KRT73: variants seen among roughly 807,000 people sequenced by gnomAD.
KRT73 encodes the protein keratin 73.
KRT73 carries 44 observed loss-of-function variants against 47.2 expected under a neutral mutation model. The ratio of observed to expected loss-of-function variants is 0.93; its 90% CI spans 0.73 to 1.20. The LOEUF is 1.20. KRT73 is among the 50% of genes most tolerant of loss of function. The pLI is 0.00. For synonymous variants in KRT73, 285 were observed against 291.3 expected (o/e 0.98, Z 0.22); for missense variants, 713 against 704.5 (o/e 1.01, Z -0.14).
chr12:52,608,440 C>T lies in KRT73; in HGVS notation c.1379G>A (p.Ser460Asn), dbSNP rs1179423147. The T allele has an allele frequency of 6.2e-7, 1 of 1,609,700 alleles. No individual in the cohort carries two copies. Among genetic ancestry groups the T allele is most frequent in the South Asian group, 1.1e-5 (1 of 90,568 alleles). Residue 460 changes from serine to asparagine, a missense_variant, in exon 9 of 9, where the codon AGC becomes AAC. Physicochemically the swap from Ser to Asn is conservative, Grantham distance 46. Coordinates refer to ENST00000305748, the MANE Select transcript of KRT73 (RefSeq NM_175068.3). ...TGTGCCTGCCATCCCGGCCATGGAG[C>T]TGTTGATGACCGCTGCAGAGGAGGG... ...TNSVSISVINSSMAGMAGTGA... is the reference protein window; with the variant it reads ...TNSVSISVINNSMAGMAGTGA...
At position 52,616,511 on chromosome 12, in the gene KRT73, C is replaced by A. The variant is rs1940817543; in HGVS notation, c.448-131G>T. ...AGCCTCAGCCCTTAAAAACTGCCAC[C>A]CATGCCACTCACACCCCCACTCCTT... On this transcript the variant is annotated intron_variant, in intron 1 of 8. Transcript: ENST00000305748. 5 of 1,094,142 alleles carry A rather than the reference C, an allele frequency of 4.6e-6. No individual in the cohort carries two copies. The Admixed American group carries it at 1.2e-4, about 27-fold the overall frequency. The allele number at this position is 1,094,142 out of a possible 1,614,324, so 67.8% of individuals were successfully genotyped here. A position where few individuals can be genotyped will look rare whatever the true frequency, so the allele number is the denominator to read the frequency against.
chr12:52,620,162 G>A (rs1022190627), upstream of KRT73, among the ~76,000 whole-genome samples: 2 of 133,850 alleles, frequency 1.5e-5, no homozygotes, highest in Non-Finnish European at 3.1e-5. Context: ...TGCCCAGGCT[G>A]GAGTGCAATA....
chr12:52,615,249 G>A (rs762490738), intron 3 of KRT73, 30 bp downstream of exon 3: 4 of 1,596,032 alleles, frequency 2.5e-6, no homozygotes, highest in Non-Finnish European at 3.4e-6. Flanking sequence ...ACTGCTGGGG[G>A]ACTGAAGGGA....
chr12:52,615,392 A>G (rs1442564918), intron 2 of KRT73, 53 bp from the exon 3 acceptor site: 6 of 1,403,194 alleles, frequency 4.3e-6, no homozygotes, highest in Non-Finnish European at 5.0e-6. Flanking sequence ...GTGTGTGTAT[A>G]CGTTCTCATA....
the KRT73 span, among the ~76,000 whole-genome samples, chr12:52,630,345 GC>G: frequency 1.3e-5 from 2 of 152,186 alleles, no homozygotes; most frequent in Non-Finnish European, 2.9e-5. Context: ...GCCCTCCAGG[GC>G]CACCTTGATG....
intron 5 of KRT73, among the ~76,000 whole-genome samples, chr12:52,613,139 CA>C (rs34456288): frequency 0.065 from 9,877 of 152,226 alleles, 469 homozygotes; most frequent in African/African-American, 0.13. Flanking sequence ...CAGCAAGGAA[CA>C]ATCAGGAAGT....
At chr12:52,617,628 C>A (rs896620561) in intron 1 of KRT73, among the ~76,000 whole-genome samples, 2 of 152,192 alleles carry the variant, frequency 1.3e-5, no homozygotes, top group Non-Finnish European at 2.9e-5. Flanking sequence ...AAGGGCATCT[C>A]CTTCGCCTAG....
At chr12:52,625,287 A>G in the KRT73 span, among the ~76,000 whole-genome samples, 8,162 of 152,270 alleles carry the variant, frequency 0.054, 736 homozygotes, top group African/African-American at 0.19. Context: ...ATGAACTCTC[A>G]GAACTCAACA....
upstream of KRT73, among the ~76,000 whole-genome samples, chr12:52,620,349 C>A (rs1010544226): frequency 3.3e-5 from 5 of 152,080 alleles, no homozygotes; most frequent in Non-Finnish European, 1.5e-5. Context: ...GGTGATCTGC[C>A]CGCCTCAGTC....
At position 52,610,795 on chromosome 12, in the gene KRT73, C is replaced by T. The variant is rs750289966; in HGVS notation, c.1151G>A (p.Arg384Gln). The change falls in exon 7 of 9, where the codon CGG becomes CAG. Residue 384 changes from arginine to glutamine, a missense_variant. Physicochemically the swap from Arg to Gln is conservative, Grantham distance 43 (BLOSUM62 1). Coordinates refer to ENST00000305748, the MANE Select transcript of KRT73 (RefSeq NM_175068.3). ...GGCATCCTTGAGGGCACAGTCCCCC[C>T]GCTGCTCGGCGTCAGCGATGGCCGT... is the stretch of plus-strand genomic sequence containing the variant. ...LETAIADAEQ[R>Q]GDCALKDARA... 6.4e-5 allele frequency: 104 copies of T among 1,613,244 alleles called. No individual in the cohort carries two copies. Among genetic ancestry groups the T allele is most frequent in the Non-Finnish European group, 8.1e-5 (96 of 1,179,998 alleles).
At position 52,616,173 on chromosome 12, in the gene KRT73, TGTA is replaced by T; in HGVS notation, c.652_654del (p.Tyr218del). The T allele has an allele frequency of 6.2e-7, 1 of 1,614,034 alleles. No individual in the cohort carries two copies. ...GAGTGGCGTCCTGCTCACCTCTTCT[TGTA>T]GTCCTCCACCACTTCGCGCACGCTC... On this transcript the variant is annotated inframe_deletion, in exon 2 of 9. Transcript: ENST00000305748.
At chr12:52,611,920 G>A (rs654910) in intron 5 of KRT73, among the ~76,000 whole-genome samples, 119,918 of 152,118 alleles carry the variant, frequency 0.79, 48,192 homozygotes, top group African/African-American at 0.95. Flanking sequence ...ATTCTATTCC[G>A]TTGCCACTGG....
At chr12:52,610,878 G>C (rs1042712236) in intron 6 of KRT73, 43 bp from the exon 7 acceptor site, 16 of 1,516,644 alleles carry the variant, frequency 1.1e-5, no homozygotes, top group Non-Finnish European at 1.4e-5. Flanking sequence ...TCCTCCCTGG[G>C]CCTCGCTTCA....
chr12:52,629,949 G>A, the KRT73 span, among the ~76,000 whole-genome samples: 3,415 of 152,184 alleles, frequency 0.022, 241 homozygotes, highest in Admixed American at 0.15. Context: ...CCCTCAACCT[G>A]TATGCCTTCC....
rs757909523 is a variant in KRT73, at chr12:52,614,787, C to A, written c.724-113G>T. On this transcript the variant is annotated intron_variant, in intron 3 of 8. Transcript: ENST00000305748. ...TAGCTAGCTGCCCAGGACTTCAGAT[C>A]CAAGGGGCAGGAACCGGCCTTCCAG... 4.9e-4 allele frequency: 391 copies of A among 804,554 alleles called. 1 individual carries two copies. The highest frequency in any genetic ancestry group is 7.0e-4 in the Non-Finnish European group (359 of 513,578). The allele number at this position is 804,554 out of a possible 1,614,324, so 49.8% of individuals were successfully genotyped here.
In KRT73 at chr12:52,610,680, G is replaced by A. The variant is rs148879955; in HGVS notation, c.1266C>T (p.Ser422=). ...TCTCAATATCCAGGGACAGCTTCAC[G>A]CTCAAAAGCTCTTGGTACTCGCGCA... is the stretch of plus-strand genomic sequence containing the variant. ...RMLREYQELL[S]VKLSLDIEIA... is the part of the protein sequence containing the mutation. The change falls in exon 7 of 9, where the codon AGC becomes AGT. Residue 422 remains serine, a synonymous_variant. Transcript: ENST00000305748. The A allele has an allele frequency of 1.5e-5, 25 of 1,613,706 alleles. No homozygotes were observed. Among genetic ancestry groups the A allele is most frequent in the Middle Eastern group, 1.6e-4 (1 of 6,084 alleles).
chr12:52,609,394 C>G, intron 7 of KRT73, 113 bp from the exon 8 acceptor site: 1 of 852,160 alleles, frequency 1.2e-6, no homozygotes, highest in Admixed American at 1.7e-5. Flanking sequence ...CCTTCACGCA[C>G]CCCACACTTG....
At chr12:52,622,698 T>C (rs1940923766), upstream of KRT73, among the ~76,000 whole-genome samples, 1 of 152,198 alleles carries the variant, frequency 6.6e-6, no homozygotes, top group African/African-American at 2.4e-5. Flanking sequence ...CAGTCCCAGC[T>C]CCTCTTTCCA....
Position 52,618,328 on chromosome 12 carries a change from CCACT to C in KRT73, c.193_196del (p.Ser65GlyfsTer52). 6.2e-7 allele frequency: 1 copy of C among 1,614,186 alleles called. No homozygotes were observed. The highest frequency in any genetic ancestry group is 8.5e-7 in the Non-Finnish European group (1 of 1,180,032). On this transcript the variant is annotated frameshift_variant, in exon 1 of 9. Transcript: ENST00000305748. LOFTEE classifies it high-confidence loss of function. ...GCCAAATCCATAGCCTCCTGCCCAC[CCACT>C]GCCACTGGCCACATTGAAAGAGATG... is the stretch of plus-strand genomic sequence containing the variant.
Sources: gnomAD v4.1 joint callset for allele counts (sites outside exome capture counted in the v4.1 genomes callset) on GRCh38, gnomAD v4.1.1 for gene constraint, MANE v1.5 for transcripts, NCBI Gene and HGNC (gene_info 2026-07-23, HGNC 2026-07-21) for gene names.